TTC7B: variants seen among roughly 807,000 people sequenced by gnomAD.
TTC7B encodes the protein tetratricopeptide repeat domain 7B, also known as tetratricopeptide repeat protein 7B.
Under a neutral mutation model 106.8 loss-of-function variants are expected in TTC7B, and 28 were observed. That is an observed-to-expected ratio of 0.26 (90% CI 0.19 to 0.36). TTC7B has a LOEUF of 0.36. Ranked by LOEUF, TTC7B falls within the 10% of genes least tolerant of loss-of-function variation. The probability of loss-of-function intolerance (pLI) is 1.00; values close to 1 mark genes in which losing one functional copy is unlikely to be tolerated. For missense variants in TTC7B, 862 were observed against 1,076.4 expected (o/e 0.80, Z 2.79); for synonymous variants, 405 against 430.6 (o/e 0.94, Z 0.74).
intron 15 of TTC7B, among the ~76,000 whole-genome samples, chr14:90,627,618 C>T (rs1427977833): frequency 1.3e-5 from 2 of 152,176 alleles, no homozygotes; most frequent in East Asian, 1.9e-4. Flanking sequence ...GGTTTGGCTG[C>T]GCCTCTTGGT....
rs1032930090 is a variant in TTC7B, at chr14:90,575,333, C to T, written c.2310+2773G>A. Among the ~76,000 whole-genome samples, 2 of 152,244 alleles carry T rather than the reference C, an allele frequency of 1.3e-5. No individual in the cohort carries two copies. Among genetic ancestry groups the T allele is most frequent in the Non-Finnish European group, 2.9e-5 (2 of 68,038 alleles). On this transcript the variant is annotated intron_variant, in intron 19 of 19. Transcript: ENST00000328459. This position sits in a 1 kb window ranked among gnomAD's most constrained non-coding sequence, Gnocchi z 5.2. ...AAGAGGGTGAATAACCTGTCCAAGG[C>T]CCCACAGCGAATGGGGCCAGAGCTG...
chr14:90,542,340 G>A (rs1889634517), intron 19 of TTC7B, among the ~76,000 whole-genome samples: 1 of 152,072 alleles, frequency 6.6e-6, no homozygotes, highest in Admixed American at 6.6e-5. Context: ...CCCCGACCAA[G>A]GCCCTGACCT....
chr14:90,809,154 C>A (rs989416589), intron 1 of TTC7B, among the ~76,000 whole-genome samples: 1 of 152,188 alleles, frequency 6.6e-6, no homozygotes, highest in Non-Finnish European at 1.5e-5. Flanking sequence ...GGGTCAGGTG[C>A]CCTCATGGCC....
At chr14:90,639,663 C>T (rs994828783) in intron 15 of TTC7B, among the ~76,000 whole-genome samples, 3 of 152,176 alleles carry the variant, frequency 2.0e-5, no homozygotes, top group African/African-American at 4.8e-5. Flanking sequence ...AATCCTACGA[C>T]CTAACTATTT....
intron 1 of TTC7B, among the ~76,000 whole-genome samples, chr14:90,793,800 G>T (rs1891672928): frequency 6.6e-6 from 1 of 151,460 alleles, no homozygotes; most frequent in Non-Finnish European, 1.5e-5. Flanking sequence ...TAGAGACAGG[G>T]TTTCTCCATG....
intron 5 of TTC7B, among the ~76,000 whole-genome samples, chr14:90,717,324 G>A (rs1425829808): frequency 6.7e-6 from 1 of 149,874 alleles, no homozygotes; most frequent in African/African-American, 2.5e-5. Flanking sequence ...GGGCAACAGA[G>A]AGGGACTCCA....
chr14:90,538,274 G>GGACA lies in TTC7B; in HGVS notation c.*3093_*3094insTGTC, dbSNP rs1448704926. ...TGGATGGATGGATGGATGGATGGAT[G>GGACA]GATGGATGGACGGACGGACGGACGG... On this transcript the variant is annotated 3_prime_UTR_variant, in exon 20 of 20. Transcript: ENST00000328459. The GGACA allele has an allele frequency of 5.3e-5, 8 of 151,486 alleles. No individual in the cohort carries two copies. Among genetic ancestry groups the GGACA allele is most frequent in the Admixed American group, 2.0e-4 (3 of 15,218 alleles). 9.4% of individuals were successfully genotyped at this position (151,486 alleles called of 1,614,324 possible). A position where few individuals can be genotyped will look rare whatever the true frequency, so the allele number is the denominator to read the frequency against.
At chr14:90,666,935 G>A (rs558188604) in intron 9 of TTC7B, among the ~76,000 whole-genome samples, 2 of 152,240 alleles carry the variant, frequency 1.3e-5, no homozygotes, top group Admixed American at 6.5e-5. Flanking sequence ...TTGAGTAAGG[G>A]GTCTCCGGGG....
At chr14:90,699,964 A>G (rs550278565) in intron 5 of TTC7B, among the ~76,000 whole-genome samples, 1 of 152,350 alleles carries the variant, frequency 6.6e-6, no homozygotes, top group African/African-American at 2.4e-5. Flanking sequence ...CCTGGCATAC[A>G]GGAAGCACCC....
chr14:90,776,344 G>A (rs914729849), intron 3 of TTC7B, among the ~76,000 whole-genome samples: 1 of 152,168 alleles, frequency 6.6e-6, no homozygotes, highest in Non-Finnish European at 1.5e-5. Context: ...GGAGTTGGGC[G>A]AGGGGCTCAA....
Position 90,535,001 on chromosome 14 carries a change from C to A in TTC7B, c.*6367G>T, listed in dbSNP as rs1003330705. ...CTCCATGTGATCACAGACACGCCCA[C>A]CTGTGCACGAGCATGCACCTCCCCC... On this transcript the variant is annotated 3_prime_UTR_variant, in exon 20 of 20. Transcript: ENST00000328459. 2.0e-5 allele frequency: 3 copies of A among 152,352 alleles called. No homozygotes were observed. The highest frequency in any genetic ancestry group is 7.2e-5 in the African/African-American group (3 of 41,438). 9.4% of individuals were successfully genotyped at this position (152,352 alleles called of 1,614,324 possible).
At chr14:90,560,534 A>G (rs1454039058) in intron 19 of TTC7B, among the ~76,000 whole-genome samples, 1 of 152,246 alleles carries the variant, frequency 6.6e-6, no homozygotes, top group Non-Finnish European at 1.5e-5. Context: ...GAGGATTCAG[A>G]AAGGGAAAGG....
chr14:90,804,322 A>G (rs1259452193), intron 1 of TTC7B, among the ~76,000 whole-genome samples: 2 of 149,844 alleles, frequency 1.3e-5, no homozygotes, highest in Admixed American at 6.7e-5. Flanking sequence ...ACACAGCGAG[A>G]CTCCGTCTCA....
intron 18 of TTC7B, among the ~76,000 whole-genome samples, chr14:90,588,103 GC>G (rs1891796287): frequency 6.6e-6 from 1 of 152,174 alleles, no homozygotes; most frequent in Non-Finnish European, 1.5e-5. Flanking sequence ...TACAGTGACT[GC>G]ACACACCACC....
At chr14:90,557,066 G>A (rs929192470) in intron 19 of TTC7B, among the ~76,000 whole-genome samples, 1 of 152,102 alleles carries the variant, frequency 6.6e-6, no homozygotes, top group Non-Finnish European at 1.5e-5. Flanking sequence ...CCCACGGCCT[G>A]AGACAGGGGG....
intron 9 of TTC7B, among the ~76,000 whole-genome samples, chr14:90,664,521 T>G (rs1402516638): frequency 1.3e-5 from 2 of 152,210 alleles, no homozygotes; most frequent in Non-Finnish European, 2.9e-5. Context: ...TCCGCCCGCC[T>G]CGGCCTCCCA....
chr14:90,711,340 T>C (rs1888437105), intron 5 of TTC7B, among the ~76,000 whole-genome samples: 1 of 152,256 alleles, frequency 6.6e-6, no homozygotes, highest in African/African-American at 2.4e-5. Flanking sequence ...TGGAGCAAAG[T>C]TGCTAGTACT....
At chr14:90,669,846 C>T (rs534926791) in intron 9 of TTC7B, among the ~76,000 whole-genome samples, 1 of 152,278 alleles carries the variant, frequency 6.6e-6, no homozygotes, top group South Asian at 2.1e-4. Flanking sequence ...AAAAATGGTA[C>T]AGTCACTGTG....
rs1017490019 is a variant in TTC7B at position 90,701,825 on chromosome 14, AAG to A, written c.699-6249_699-6248del. Among the ~76,000 whole-genome samples, 5 of 141,578 alleles carry A rather than the reference AAG, an allele frequency of 3.5e-5. No individual in the cohort carries two copies. The East Asian group carries it at 6.2e-4, about 17-fold the overall frequency. The allele number at this position is 141,578 out of a possible 152,430, so 92.9% of individuals were successfully genotyped here. A position where few individuals can be genotyped will look rare whatever the true frequency, so the allele number is the denominator to read the frequency against. ...ATATATATATATATATATATATGGA[AAG>A]AGAGAGAGAGAACACTCATACCTAC... is the stretch of plus-strand genomic sequence containing the variant. On this transcript the variant is annotated intron_variant, in intron 5 of 19. Coordinates refer to ENST00000328459, the MANE Select transcript of TTC7B (RefSeq NM_001010854.2).
Sources: gnomAD v4.1 joint callset for allele counts (sites outside exome capture counted in the v4.1 genomes callset) on GRCh38, gnomAD v4.1.1 for gene constraint, Gnocchi (gnomAD v3.1) non-coding constraint, MANE v1.5 for transcripts, NCBI Gene and HGNC (gene_info 2026-07-23, HGNC 2026-07-21) for gene names.